The following ITGBL1 variants were observed in gnomAD, a reference collection of about 807,000 sequenced individuals.
ITGBL1 encodes integrin subunit beta like 1, also known as integrin beta-like protein 1.
ITGBL1 carries 51 observed loss-of-function variants against 68.5 expected under a neutral mutation model. That is an observed-to-expected ratio of 0.74 (90% confidence interval 0.59 to 0.94). The LOEUF (loss-of-function observed/expected upper bound fraction) is 0.94, where lower values mean the gene tolerates loss of function less well. ITGBL1 is among the 40% of genes least tolerant of loss of function. The probability of loss-of-function intolerance (pLI) is 0.00; values close to 1 mark genes in which losing one functional copy is unlikely to be tolerated. For missense variants in ITGBL1, 649 were observed against 647.4 expected, an observed-to-expected ratio of 1.00 and a Z score of -0.03; for synonymous variants, 209 against 227.3, an observed-to-expected ratio of 0.92 and a Z score of 0.72.
chr13:101,514,610 G>A (rs535650457), intron 2 of ITGBL1, among the ~76,000 whole-genome samples: 12 of 151,976 alleles, frequency 7.9e-5, no homozygotes, highest in South Asian at 4.2e-4. Flanking sequence ...ATTAATAACC[G>A]TATCTGTTAA....
At chr13:101,512,105 A>G (rs2049125120) in intron 2 of ITGBL1, among the ~76,000 whole-genome samples, 1 of 151,688 alleles carries the variant, frequency 6.6e-6, no homozygotes, top group South Asian at 2.1e-4. Context: ...TAATTCGACT[A>G]CTCGTCCTAT....
At chr13:101,460,440 T>C (rs551275677) in intron 2 of ITGBL1, among the ~76,000 whole-genome samples, 1 of 152,358 alleles carries the variant, frequency 6.6e-6, no homozygotes, top group Non-Finnish European at 1.5e-5. Context: ...CTCTACTTTC[T>C]TACATTCATC....
intron 7 of ITGBL1, among the ~76,000 whole-genome samples, chr13:101,598,700 C>T (rs1279325427): frequency 1.3e-5 from 2 of 151,962 alleles, no homozygotes; most frequent in Admixed American, 6.6e-5. Context: ...GTTTTTTGTC[C>T]TTGCAATAGT....
intron 2 of ITGBL1, among the ~76,000 whole-genome samples, chr13:101,499,481 G>C (rs2048907366): frequency 6.6e-6 from 1 of 152,184 alleles, no homozygotes; most frequent in Admixed American, 6.5e-5. Flanking sequence ...TATGGAGAAA[G>C]AAAATTGTTT....
chr13:101,572,415 C>G (rs2050288235), intron 3 of ITGBL1, among the ~76,000 whole-genome samples: 2 of 152,036 alleles, frequency 1.3e-5, no homozygotes, highest in South Asian at 4.2e-4. Context: ...AGGGTGAGGC[C>G]CCGGCACCAC....
chr13:101,645,965 A>G (rs976484521), intron 7 of ITGBL1, among the ~76,000 whole-genome samples: 1 of 152,212 alleles, frequency 6.6e-6, no homozygotes, highest in Non-Finnish European at 1.5e-5. Flanking sequence ...GACTTCAGAA[A>G]CAGTCTCCAG....
At chr13:101,533,383 T>C (rs1258127056) in intron 2 of ITGBL1, among the ~76,000 whole-genome samples, 3 of 152,244 alleles carry the variant, frequency 2.0e-5, no homozygotes, top group Non-Finnish European at 2.9e-5. Flanking sequence ...AACCCAGGGA[T>C]TGGACCTACT....
At chr13:101,478,029 C>G (rs2048561968) in intron 2 of ITGBL1, among the ~76,000 whole-genome samples, 1 of 151,936 alleles carries the variant, frequency 6.6e-6, no homozygotes, top group South Asian at 2.1e-4. Flanking sequence ...AAAAACACAT[C>G]AAAGTAAGAA....
chr13:101,647,186 A>G (rs1268628289), intron 7 of ITGBL1, among the ~76,000 whole-genome samples: 1 of 152,164 alleles, frequency 6.6e-6, no homozygotes, highest in African/African-American at 2.4e-5. Context: ...ATGCCACATA[A>G]TCATGAGAAT....
intron 8 of ITGBL1, among the ~76,000 whole-genome samples, chr13:101,698,892 A>G (rs2034067824): frequency 6.6e-6 from 1 of 152,166 alleles, no homozygotes; most frequent in African/African-American, 2.4e-5. Flanking sequence ...TCTTTCCTCT[A>G]TACTCCTGGA....
intron 2 of ITGBL1, among the ~76,000 whole-genome samples, chr13:101,469,579 A>G (rs1369113213): frequency 6.6e-6 from 1 of 152,182 alleles, no homozygotes; most frequent in Non-Finnish European, 1.5e-5. Context: ...GCTACTTGGG[A>G]GGCTGAGACA....
downstream of ITGBL1, chr13:101,716,626 A>G (rs1185989283): frequency 2.6e-5 from 4 of 152,206 alleles, no homozygotes; most frequent in African/African-American, 7.2e-5. Flanking sequence ...TAAAAAGACA[A>G]TATTGAGTTA....
intron 7 of ITGBL1, among the ~76,000 whole-genome samples, chr13:101,637,901 A>C (rs2032229696): frequency 6.6e-6 from 1 of 152,202 alleles, no homozygotes; most frequent in Non-Finnish European, 1.5e-5. Context: ...CTATAATGAA[A>C]AACAAATCTT....
At chr13:101,535,233 T>G (rs1429907535) in intron 2 of ITGBL1, among the ~76,000 whole-genome samples, 2 of 152,102 alleles carry the variant, frequency 1.3e-5, no homozygotes, top group Non-Finnish European at 2.9e-5. Flanking sequence ...TAAGTATGTT[T>G]TTATTAACTC....
intron 7 of ITGBL1, among the ~76,000 whole-genome samples, chr13:101,656,353 T>TC (rs149072505): frequency 0.036 from 5,532 of 152,160 alleles, 334 homozygotes; most frequent in African/African-American, 0.13. Context: ...GATGCAGTTT[T>TC]CCCCCCACAA....
chr13:101,684,432 A>C (rs1018620952), intron 7 of ITGBL1, among the ~76,000 whole-genome samples: 1 of 151,984 alleles, frequency 6.6e-6, no homozygotes, highest in African/African-American at 2.4e-5. Flanking sequence ...CTATAGATCA[A>C]TTAGGGGATA....
intron 2 of ITGBL1, among the ~76,000 whole-genome samples, chr13:101,485,450 C>A (rs914640325): frequency 6.6e-6 from 1 of 152,050 alleles, no homozygotes; most frequent in South Asian, 2.1e-4. Context: ...CTCAAAATCA[C>A]GAATCATCAG....
intron 2 of ITGBL1, among the ~76,000 whole-genome samples, chr13:101,503,813 G>A (rs2048982371): frequency 6.6e-6 from 1 of 152,178 alleles, no homozygotes; most frequent in African/African-American, 2.4e-5. Context: ...ACTAGATGAT[G>A]GATGCTGTTA....
intron 2 of ITGBL1, among the ~76,000 whole-genome samples, chr13:101,551,032 T>G (rs2049912374): frequency 6.6e-6 from 1 of 152,172 alleles, no homozygotes; most frequent in Non-Finnish European, 1.5e-5. Context: ...GCTTCTTGGA[T>G]GCACTGGGGT....
Sources: gnomAD v4.1 joint callset for allele counts (sites outside exome capture counted in the v4.1 genomes callset) on GRCh38, gnomAD v4.1.1 for gene constraint, MANE v1.5 for transcripts, NCBI Gene and HGNC (gene_info 2026-07-23, HGNC 2026-07-21) for gene names.